The following NIN variants were observed in gnomAD, a reference collection of about 807,000 sequenced individuals.
NIN encodes the protein glycogen synthase kinase 3 beta-interacting protein.
NIN carries 137 observed loss-of-function variants against 257.6 expected under a neutral mutation model. The observed-to-expected ratio is 0.53, with a 90% CI of 0.46 to 0.61. The LOEUF is 0.61. Among genes scored for constraint, NIN ranks in the 20% least tolerant of loss-of-function variants. NIN has a pLI of 0.00. For synonymous variants in NIN, 918 were observed against 919.8 expected (o/e 1.00, Z 0.04); for missense variants, 2,439 against 2,501.2 (o/e 0.98, Z 0.53).
chr14:50,812,321 A>C (rs2044669816), intron 3 of NIN, among the ~76,000 whole-genome samples: 1 of 152,228 alleles, frequency 6.6e-6, no homozygotes, highest in South Asian at 2.1e-4. Flanking sequence ...GACTGGACTC[A>C]TCAGAGCCCA....
At chr14:50,726,761 T>C (rs1247154573) in intron 29 of NIN, among the ~76,000 whole-genome samples, 2 of 152,292 alleles carry the variant, frequency 1.3e-5, no homozygotes, top group East Asian at 3.9e-4. Context: ...CTAGAGAGAT[T>C]AGAATGCAAT....
At chr14:50,824,274 G>A (rs1389417359) in intron 2 of NIN, among the ~76,000 whole-genome samples, 1 of 152,138 alleles carries the variant, frequency 6.6e-6, no homozygotes, top group Non-Finnish European at 1.5e-5. Flanking sequence ...TCTTATCCAC[G>A]GTGTCGAATT....
intron 20 of NIN, among the ~76,000 whole-genome samples, chr14:50,754,109 G>A (rs77671176): frequency 0.064 from 9,790 of 152,194 alleles, 408 homozygotes; most frequent in African/African-American, 0.12. Flanking sequence ...TACAAATTGA[G>A]CACTGAATGG....
intron 4 of NIN, among the ~76,000 whole-genome samples, chr14:50,795,629 A>C (rs1213963487): frequency 6.6e-6 from 1 of 152,198 alleles, no homozygotes; most frequent in Non-Finnish European, 1.5e-5. Flanking sequence ...TCCAGATGGA[A>C]CCTTTATTTT....
intron 4 of NIN, among the ~76,000 whole-genome samples, chr14:50,793,951 G>A (rs772895223): frequency 7.9e-5 from 12 of 152,150 alleles, no homozygotes; most frequent in South Asian, 4.1e-4. Context: ...ATACTCTCTC[G>A]AGAACAGATA....
intron 2 of NIN, among the ~76,000 whole-genome samples, chr14:50,829,255 T>C (rs1595967006): frequency 6.6e-6 from 1 of 152,200 alleles, no homozygotes; most frequent in Non-Finnish European, 1.5e-5. Flanking sequence ...ATACACACTC[T>C]GGAAATCCTC....
At chr14:50,823,116 A>C (rs1180589951) in intron 2 of NIN, 1 of 506,180 alleles carries the variant, frequency 2.0e-6, no homozygotes, top group African/African-American at 2.0e-5. Context: ...TATACATCAT[A>C]AAATTCCAGG....
At chr14:50,748,144 T>C in intron 21 of NIN, 39 bp from the exon 22 acceptor site, 1 of 1,398,424 alleles carries the variant, frequency 7.2e-7, no homozygotes, top group Non-Finnish European at 1.0e-6. Flanking sequence ...CAGACATACA[T>C]ATTTAGGCTG....
intron 5 of NIN, among the ~76,000 whole-genome samples, chr14:50,789,129 G>T (rs202180789): frequency 6.6e-6 from 1 of 152,152 alleles, no homozygotes; most frequent in Admixed American, 6.6e-5. Flanking sequence ...CACATCAGGG[G>T]AGACTCGGCC....
chr14:50,797,444 A>T (rs1200136729), intron 4 of NIN, among the ~76,000 whole-genome samples: 1 of 152,190 alleles, frequency 6.6e-6, no homozygotes, highest in Non-Finnish European at 1.5e-5. Context: ...GAGGCCCTTC[A>T]TGTTACATTG....
At chr14:50,797,713 A>G (rs1030295810) in intron 4 of NIN, among the ~76,000 whole-genome samples, 6 of 152,218 alleles carry the variant, frequency 3.9e-5, no homozygotes, top group Non-Finnish European at 8.8e-5. Context: ...CCAAAGGAAC[A>G]CTAAGACCAA....
At position 50,741,723 on chromosome 14, in the gene NIN, C is replaced by G; in HGVS notation, c.5307G>C (p.Gln1769His). 6.2e-7 allele frequency: 1 copy of G among 1,613,604 alleles called. No homozygotes were observed. The highest frequency in any genetic ancestry group is 8.5e-7 in the Non-Finnish European group (1 of 1,179,872). Residue 1769 changes from glutamine to histidine, a missense_variant, in exon 25 of 31, where the codon CAG (glutamine) becomes CAC (histidine). By Grantham distance (24) the Gln-to-His change is conservative (BLOSUM62 0). Coordinates refer to ENST00000530997, the MANE Select transcript of NIN (RefSeq NM_020921.4). Reference protein sequence around the residue: ...SQLVASQEKVQNLEDTVQNVN... With the variant: ...SQLVASQEKVHNLEDTVQNVN... The stretch of plus-strand genomic sequence containing the variant: ...CATTCTGCACGGTGTCTTCTAAATT[C>G]TGAACCTGTATTGTGAGAATGATCT...
chr14:50,778,860 C>A, intron 5 of NIN, 56 bp from the exon 6 acceptor site: 1 of 1,549,124 alleles, frequency 6.5e-7, no homozygotes, highest in South Asian at 1.1e-5. Context: ...AAAGAACTAT[C>A]CTAGCTTTTC....
At position 50,770,920 on chromosome 14, in the gene NIN, C is replaced by G; in HGVS notation, c.1191G>C (p.Lys397Asn). ...CATCCACCTCCGAGGCCATTAAAGA[C>G]TTGAGCTTCTCGGCCTTGTCCAGAT... ...RSDLDKAEKLKSLMASEVDDH... is the reference protein window; with the variant it reads ...RSDLDKAEKLNSLMASEVDDH... The change falls in exon 11 of 31, where the codon AAG (lysine) becomes AAC (asparagine). Residue 397 changes from lysine to asparagine, a missense_variant. Physicochemically the swap from Lys to Asn is moderately conservative, Grantham distance 94. Coordinates refer to ENST00000530997, the MANE Select transcript of NIN (RefSeq NM_020921.4). The G allele has an allele frequency of 6.2e-7, 1 of 1,614,254 alleles. No homozygotes were observed. The highest frequency in any genetic ancestry group is 8.5e-7 in the Non-Finnish European group (1 of 1,180,042).
At chr14:50,771,958 T>A in intron 9 of NIN, 1 of 219,636 alleles carries the variant, frequency 4.6e-6, no homozygotes. Flanking sequence ...TATACTCCAG[T>A]CCAGGTGATA....
rs139146270 is a variant in NIN at position 50,812,701 on chromosome 14, C to T, written c.184-5883G>A. Among the ~76,000 whole-genome samples, 1,041 of 152,288 alleles carry T rather than the reference C, an allele frequency of 6.8e-3. 5 individuals carry two copies. Among genetic ancestry groups the T allele is most frequent in the Non-Finnish European group, 0.011 (745 of 68,016 alleles). On this transcript the variant is annotated intron_variant, in intron 3 of 30. Transcript: ENST00000530997. ...GAGGAAAAGAGGGACAGTTTTGCAA[C>T]GCTTGAATTCTCTCAAATCTTCACA...
Position 50,770,934 on chromosome 14 carries a change from C to T in NIN, c.1177G>A (p.Ala393Thr), listed in dbSNP as rs1199233493. Reference sequence around the variant, plus strand: ...GCCATTAAAGACTTGAGCTTCTCGGCCTTGTCCAGATCTGACCGTAGCTTC... The same window carrying T: ...GCCATTAAAGACTTGAGCTTCTCGGTCTTGTCCAGATCTGACCGTAGCTTC... Reference protein sequence around the residue: ...KEKLRSDLDKAEKLKSLMASE... With the variant: ...KEKLRSDLDKTEKLKSLMASE... Residue 393 changes from alanine to threonine, a missense_variant, in exon 11 of 31, where the codon GCC (alanine) becomes ACC (threonine). Transcript: ENST00000530997. 1 of 1,614,224 alleles carries T rather than the reference C, an allele frequency of 6.2e-7. No individual in the cohort carries two copies. The highest frequency in any genetic ancestry group is 8.5e-7 in the Non-Finnish European group (1 of 1,180,050).
At chr14:50,805,829 C>A (rs1382228090) in intron 4 of NIN, 1 of 152,198 alleles carries the variant, frequency 6.6e-6, no homozygotes, top group Admixed American at 6.5e-5. Flanking sequence ...ACTACTAGCA[C>A]CATCAAGATA....
chr14:50,827,170 C>T (rs888800059), intron 2 of NIN, among the ~76,000 whole-genome samples: 1 of 152,204 alleles, frequency 6.6e-6, no homozygotes. Flanking sequence ...TATTGGACTA[C>T]TTTCAGTATA....
Sources: gnomAD v4.1 joint callset for allele counts (sites outside exome capture counted in the v4.1 genomes callset) on GRCh38, gnomAD v4.1.1 for gene constraint, MANE v1.5 for transcripts, NCBI Gene and HGNC (gene_info 2026-07-23, HGNC 2026-07-21) for gene names.